The following NRDE2 variants were observed in gnomAD, a reference collection of about 807,000 sequenced individuals.
NRDE2 encodes the protein nuclear exosome regulator NRDE2.
NRDE2 carries 76 observed loss-of-function variants against 124.2 expected under a neutral mutation model. The observed-to-expected ratio is 0.61, with a 90% CI of 0.51 to 0.74. The LOEUF is 0.74. NRDE2 is among the 30% of genes least tolerant of loss of function. The probability of loss-of-function intolerance (pLI) is 0.00; values close to 1 mark genes in which losing one functional copy is unlikely to be tolerated. For missense variants in NRDE2, 1,314 were observed against 1,417.3 expected (o/e 0.93, Z 1.17); for synonymous variants, 489 against 528.1 (o/e 0.93, Z 1.01).
intron 1 of NRDE2, among the ~76,000 whole-genome samples, chr14:90,327,071 G>A (rs1428503226): frequency 1.3e-5 from 2 of 152,200 alleles, no homozygotes; most frequent in Admixed American, 6.5e-5. Flanking sequence ...TAGAAGTAAT[G>A]ACAACACAGT....
rs1892235788 is a variant in NRDE2, at chr14:90,290,288, A to G, written c.2162T>C (p.Met721Thr). The change falls in exon 10 of 14, where the codon ATG (methionine) becomes ACG (threonine). Residue 721 changes from methionine to threonine, a missense_variant. By Grantham distance (81) the Met-to-Thr change is moderately conservative. Coordinates refer to ENST00000354366, the MANE Select transcript of NRDE2 (RefSeq NM_017970.4). ...CTTCTCTTTGCCTGAAAATAAAGGC[A>G]TGACAAGGTGGAAGACATTGCGGAT... ...EFIRNVFHLV[M>T]PLFSGKEKSQ... The G allele has an allele frequency of 1.2e-6, 2 of 1,614,016 alleles. No individual in the cohort carries two copies. The highest frequency in any genetic ancestry group is 2.2e-5 in the East Asian group (1 of 44,896).
chr14:90,328,405 G>A (rs1400869838), intron 1 of NRDE2, among the ~76,000 whole-genome samples: 1 of 151,884 alleles, frequency 6.6e-6, no homozygotes, highest in Non-Finnish European at 1.5e-5. Flanking sequence ...AATAATTGAT[G>A]TTAATAAATA....
Position 90,268,113 on chromosome 14 carries a change from T to C in NRDE2, c.*10223A>G. On this transcript the variant is annotated 3_prime_UTR_variant, in exon 14 of 14. Coordinates refer to ENST00000354366, the MANE Select transcript of NRDE2 (RefSeq NM_017970.4). ...CTTGAATTGGTGCCATGCCTTAGCATGAGGGCCCGCCTGTTTTTGGTGTCC... is the reference window on the plus strand; with the variant it reads ...CTTGAATTGGTGCCATGCCTTAGCACGAGGGCCCGCCTGTTTTTGGTGTCC... The C allele has an allele frequency of 1.2e-6, 1 of 830,368 alleles. No individual in the cohort carries two copies. The highest frequency in any genetic ancestry group is 1.9e-5 in the South Asian group (1 of 52,960). The allele number at this position is 830,368 out of a possible 1,614,324, so 51.4% of individuals were successfully genotyped here.
In NRDE2 at chr14:90,304,304, C is replaced by T. The variant is rs1884521991; in HGVS notation, c.636G>A (p.Glu212=). 1.2e-6 allele frequency: 2 copies of T among 1,614,034 alleles called. No individual in the cohort carries two copies. The highest frequency in any genetic ancestry group is 1.3e-5 in the African/African-American group (1 of 74,944). The change falls in exon 5 of 14, where the codon GAG becomes GAA. Residue 212 remains glutamate, a synonymous_variant. Transcript: ENST00000354366. ...CAACCTGCTTGCGTGAATGCTTCTT[C>T]TCTGTGGAAGTCCCTTCCCAAGATA... ...QCISWEGTST[E]KKHSRKQVER...
rs1276625725 is a variant in NRDE2, at chr14:90,302,731, T to C, written c.1400A>G (p.Glu467Gly). The C allele has an allele frequency of 1.9e-6, 3 of 1,605,832 alleles. No homozygotes were observed. In the South Asian group the frequency reaches 3.3e-5, roughly 18 times the overall value. ...GGTTATCTCCTTACCAAACATGGCC[T>C]CTTCCGTGCCAGGCAACGCAGGGTG... Reference protein sequence around the residue: ...LSHPALPGTEEAMFALFLQQC... With the variant: ...LSHPALPGTEGAMFALFLQQC... The change falls in exon 6 of 14, where the codon GAG becomes GGG. Residue 467 changes from glutamate to glycine, a missense_variant. Physicochemically the swap from Glu to Gly is moderately conservative, Grantham distance 98. Transcript: ENST00000354366.
chr14:90,268,464 GCTCTT>G lies in NRDE2; in HGVS notation c.*9867_*9871del, dbSNP rs748640589. 6 of 1,564,910 alleles carry G rather than the reference GCTCTT, an allele frequency of 3.8e-6. No homozygotes were observed. The East Asian group carries it at 6.7e-5, about 18-fold the overall frequency. ...CTTGTTTAGTAGGGAACACCGCATAGCTCTTCTCTTGAGAATGAGCAATCTCAGGG... is the reference window on the plus strand; with the variant it reads ...CTTGTTTAGTAGGGAACACCGCATAGCTCTTGAGAATGAGCAATCTCAGGG... On this transcript the variant is annotated 3_prime_UTR_variant, in exon 14 of 14. Transcript: ENST00000354366.
chr14:90,285,310 TC>T (rs201228847), intron 12 of NRDE2, among the ~76,000 whole-genome samples: 24,646 of 119,046 alleles, frequency 0.21, 4,509 homozygotes, highest in Non-Finnish European at 0.27. Context: ...ATTTTTTTTT[TC>T]TTTTTTTTGA....
chr14:90,288,807 G>A lies in NRDE2; in HGVS notation c.2568C>T (p.Ser856=), dbSNP rs775000836. The A allele has an allele frequency of 6.2e-7, 1 of 1,614,138 alleles. No homozygotes were observed. The highest frequency in any genetic ancestry group is 1.1e-5 in the South Asian group (1 of 91,088). The change falls in exon 11 of 14, where the codon AGC becomes AGT. Residue 856 remains serine (S), a synonymous_variant. Transcript: ENST00000354366. ...GTCCAGTGTAGGGCCCATAGGGGCT[G>A]CTCTCAGTCAGCTTGGTTAATATGT... is the stretch of plus-strand genomic sequence containing the variant. ...AVHILTKLTE[S]SPYGPYTGQV... is the part of the protein sequence containing the mutation.
At chr14:90,309,472 C>CAAAAA (rs746289824) in intron 4 of NRDE2, among the ~76,000 whole-genome samples, 1 of 110,776 alleles carries the variant, frequency 9.0e-6, no homozygotes, top group Admixed American at 1.0e-4. Context: ...GACTCTGTCT[C>CAAAAA]AAAAAAAAAA....
At position 90,271,676 on chromosome 14, in the gene NRDE2, G is replaced by A. The variant is rs1891667816; in HGVS notation, c.*6660C>T. ...TATTATTCTCTTTAACAAAAGTGGT[G>A]TTGTACAAGCCACATAGCTTGTTAG... On this transcript the variant is annotated 3_prime_UTR_variant, in exon 14 of 14. Coordinates refer to ENST00000354366, the MANE Select transcript of NRDE2 (RefSeq NM_017970.4). The A allele has an allele frequency of 6.6e-6, 1 of 152,054 alleles. No homozygotes were observed. 9.4% of individuals were successfully genotyped at this position (152,054 alleles called of 1,614,324 possible). A position where few individuals can be genotyped will look rare whatever the true frequency, so the allele number is the denominator to read the frequency against.
At chr14:90,331,555 G>T (rs184168766) in intron 1 of NRDE2, among the ~76,000 whole-genome samples, 42 of 152,302 alleles carry the variant, frequency 2.8e-4, no homozygotes, top group African/African-American at 9.4e-4. Flanking sequence ...AGTAACTGAG[G>T]CTCGAAAAGA....
intron 4 of NRDE2, among the ~76,000 whole-genome samples, chr14:90,307,107 A>T (rs1884631044): frequency 6.6e-6 from 1 of 152,186 alleles, no homozygotes; most frequent in Admixed American, 6.5e-5. Context: ...CAGACACTAT[A>T]TGTGTTTCAG....
chr14:90,308,808 G>A (rs1448202423), intron 4 of NRDE2, among the ~76,000 whole-genome samples: 1 of 152,158 alleles, frequency 6.6e-6, no homozygotes, highest in Non-Finnish European at 1.5e-5. Context: ...AGCATGCACA[G>A]ATGAATCAAG....
At chr14:90,304,484 G>T in intron 4 of NRDE2, 102 bp from the exon 5 acceptor site, 1 of 765,462 alleles carries the variant, frequency 1.3e-6, no homozygotes, top group Non-Finnish European at 2.1e-6. Flanking sequence ...CAGGTTCACT[G>T]CATATAACCA....
chr14:90,269,378 C>CT lies in NRDE2; in HGVS notation c.*8957_*8958insA. On this transcript the variant is annotated 3_prime_UTR_variant, in exon 14 of 14. Transcript: ENST00000354366. ...CGATCAGTTGAGTCTTCATTCCTTCCCTTTTTTTTTTTCCAAAGATATGAC... is the reference window on the plus strand; with the variant it reads ...CGATCAGTTGAGTCTTCATTCCTTCCTCTTTTTTTTTTTCCAAAGATATGAC... 5.8e-6 allele frequency: 9 copies of CT among 1,553,306 alleles called. No homozygotes were observed. Among genetic ancestry groups the CT allele is most frequent in the Non-Finnish European group, 6.9e-6 (8 of 1,153,064 alleles).
rs1308553743 is a variant in NRDE2 at position 90,331,847 on chromosome 14, T to C, written c.58A>G (p.Arg20Gly). 2 of 1,614,098 alleles carry C rather than the reference T, an allele frequency of 1.2e-6. No homozygotes were observed. The highest frequency in any genetic ancestry group is 1.7e-6 in the Non-Finnish European group (2 of 1,180,028). The change falls in exon 1 of 14, where the codon AGG becomes GGG. Residue 20 changes from arginine (R) to glycine (G), a missense_variant. By Grantham distance (125) the Arg-to-Gly change is moderately radical. Coordinates refer to ENST00000354366, the MANE Select transcript of NRDE2 (RefSeq NM_017970.4). ...LSEAPDGGSS[R>G]KELDWLSNPS... ...GGCTCGTTTGTGTGCTTACCTTTCC[T>C]GGAGCTCCCGCCATCGGGAGCCTCA...
intron 8 of NRDE2, among the ~76,000 whole-genome samples, chr14:90,296,713 A>T (rs1884171943): frequency 6.6e-6 from 1 of 152,162 alleles, no homozygotes; most frequent in African/African-American, 2.4e-5. Context: ...CTTTCAACGA[A>T]ATCATCATCT....
In NRDE2 at chr14:90,277,761, C is replaced by T. The variant is rs578219600; in HGVS notation, c.*575G>A. The T allele has an allele frequency of 6.6e-6, 1 of 152,648 alleles. No individual in the cohort carries two copies. The highest frequency in any genetic ancestry group is 2.4e-5 in the African/African-American group (1 of 41,582). The allele number at this position is 152,648 out of a possible 1,614,324, so 9.5% of individuals were successfully genotyped here. On this transcript the variant is annotated 3_prime_UTR_variant, in exon 14 of 14. Coordinates refer to ENST00000354366, the MANE Select transcript of NRDE2 (RefSeq NM_017970.4). ...CACAGGCCTGAGTTTTTCAGCAGCC[C>T]CAGGGCACGCTGCCCCTCCAGCTCC...
chr14:90,274,735 T>TAACA lies in NRDE2; in HGVS notation c.*3597_*3600dup, dbSNP rs976352663. 6.7e-6 allele frequency: 1 copy of TAACA among 148,728 alleles called. No individual in the cohort carries two copies. The highest frequency in any genetic ancestry group is 2.5e-5 in the African/African-American group (1 of 40,302). The allele number at this position is 148,728 out of a possible 1,614,324, so 9.2% of individuals were successfully genotyped here. ...CAAACTCGGGACAATCTGAGCATCC[T>TAACA]AACAAACAGTTACTATTAATGGAAT... On this transcript the variant is annotated 3_prime_UTR_variant, in exon 14 of 14. Transcript: ENST00000354366.
Sources: allele counts gnomAD v4.1 joint callset (sites outside exome capture counted in the v4.1 genomes callset), GRCh38; gene constraint gnomAD v4.1.1; transcripts MANE v1.5; gene names NCBI Gene and HGNC (gene_info 2026-07-23, HGNC 2026-07-21).